Variants in MTUS2 observed in about 807,000 individuals in gnomAD.
MTUS2 encodes the protein microtubule-associated tumor suppressor candidate 2.
A neutral mutation model predicts 114.1 loss-of-function variants in MTUS2; 40 were observed. That is an observed-to-expected ratio of 0.35 (90% CI 0.27 to 0.46). The LOEUF (loss-of-function observed/expected upper bound fraction) is 0.46, where lower values mean the gene tolerates loss of function less well. MTUS2 is among the 20% of genes least tolerant of loss of function. The pLI, the probability that MTUS2 is intolerant of heterozygous loss-of-function variation, is 1.00. For synonymous variants in MTUS2, 688 were observed against 672.0 expected (o/e 1.02, Z -0.37); for missense variants, 1,679 against 1,705.4 (o/e 0.98, Z 0.27).
chr13:29,441,659 C>G (rs879304300), intron 9 of MTUS2, among the ~76,000 whole-genome samples: 3 of 152,106 alleles, frequency 2.0e-5, no homozygotes, highest in Admixed American at 2.0e-4. Context: ...CACTGGTGAC[C>G]CTGCCCAATG....
intron 6 of MTUS2, among the ~76,000 whole-genome samples, chr13:29,298,904 C>G (rs1899068162): frequency 6.6e-6 from 1 of 152,200 alleles, no homozygotes; most frequent in South Asian, 2.1e-4. Context: ...GCACTGGTAT[C>G]TTCAGTGAAG....
chr13:29,344,840 T>C (rs1410184951), intron 7 of MTUS2, among the ~76,000 whole-genome samples: 2 of 152,192 alleles, frequency 1.3e-5, no homozygotes, highest in Non-Finnish European at 2.9e-5. Context: ...TTAGCAATCT[T>C]GTAGTTCTGG....
intron 5 of MTUS2, among the ~76,000 whole-genome samples, chr13:29,270,081 T>C (rs1897823625): frequency 6.6e-6 from 1 of 152,042 alleles, no homozygotes; most frequent in Non-Finnish European, 1.5e-5. Flanking sequence ...CTGCCGTTCG[T>C]TGGGTATAAA....
intron 8 of MTUS2, among the ~76,000 whole-genome samples, chr13:29,379,440 G>C (rs1872031041): frequency 6.6e-6 from 1 of 152,146 alleles, no homozygotes; most frequent in South Asian, 2.1e-4. Flanking sequence ...GACCTACATG[G>C]ACCTGACCAC....
intron 4 of MTUS2, among the ~76,000 whole-genome samples, chr13:29,097,600 A>T (rs1211384750): frequency 6.6e-6 from 1 of 152,214 alleles, no homozygotes; most frequent in African/African-American, 2.4e-5. Context: ...AGTACCATAG[A>T]CAGTGTAGCG....
intron 5 of MTUS2, among the ~76,000 whole-genome samples, chr13:29,145,469 G>A (rs1228674386): frequency 1.3e-5 from 2 of 152,128 alleles, no homozygotes; most frequent in African/African-American, 2.4e-5. Context: ...GCAGTGAACC[G>A]AGATTGTGCC....
At chr13:29,338,745 T>C (rs1172420713) in intron 7 of MTUS2, among the ~76,000 whole-genome samples, 1 of 152,228 alleles carries the variant, frequency 6.6e-6, no homozygotes, top group Non-Finnish European at 1.5e-5. Context: ...CTGATTTCTA[T>C]AATTTTTTTA....
intron 4 of MTUS2, among the ~76,000 whole-genome samples, chr13:29,081,662 T>G (rs1239834543): frequency 6.6e-6 from 1 of 151,978 alleles, no homozygotes; most frequent in Non-Finnish European, 1.5e-5. Context: ...AGGAGTGTCT[T>G]GATGAGACCT....
At chr13:29,361,250 C>G (rs1331141425) in intron 8 of MTUS2, among the ~76,000 whole-genome samples, 5 of 152,184 alleles carry the variant, frequency 3.3e-5, no homozygotes, top group Admixed American at 1.3e-4. Context: ...GCTACTACAG[C>G]TACACTTGGC....
At chr13:29,052,337 C>T (rs773285138) in intron 4 of MTUS2, among the ~76,000 whole-genome samples, 7 of 151,580 alleles carry the variant, frequency 4.6e-5, no homozygotes, top group South Asian at 2.1e-4. Flanking sequence ...AAAAATTAGC[C>T]GGGCATGGTG....
intron 5 of MTUS2, among the ~76,000 whole-genome samples, chr13:29,251,564 T>C (rs1566091527): frequency 6.6e-6 from 1 of 152,172 alleles, no homozygotes. Flanking sequence ...CATTAAACAC[T>C]GACTCCCCAT....
intron 2 of MTUS2, among the ~76,000 whole-genome samples, chr13:29,003,180 A>G (rs1885458814): frequency 6.6e-6 from 1 of 152,234 alleles, no homozygotes; most frequent in Admixed American, 6.5e-5. Flanking sequence ...AAACAGTTAC[A>G]TGCCGCTTAC....
rs1484553253 is a variant in MTUS2 at position 29,480,320 on chromosome 13, C to T, written c.3355C>T (p.His1119Tyr). ...GGAAATGGCGCGCCTGCAGGAGGAG[C>T]ACGGTGACCAGCTGCTGAGCATCCG... The part of the protein sequence containing the change: ...EAEMARLQEE[H>Y]GDQLLSIRCQ... The change falls in exon 10 of 16, where the codon CAC (histidine) becomes TAC (tyrosine). Residue 1119 changes from histidine to tyrosine, a missense_variant. Physicochemically the swap from His to Tyr is moderately conservative, Grantham distance 83. Around this residue, in one of 3 missense-constraint regions of MTUS2, gnomAD observed 822 missense variants for 899.7 expected, o/e 0.91. Coordinates refer to ENST00000612955, the MANE Select transcript of MTUS2 (RefSeq NM_001033602.4). The surrounding 1 kb of genome is among the most constrained non-coding windows in gnomAD (Gnocchi z 4.4). The T allele has an allele frequency of 6.4e-7, 1 of 1,552,996 alleles. No homozygotes were observed. The highest frequency in any genetic ancestry group is 1.2e-5 in the South Asian group (1 of 83,802).
At chr13:29,434,178 G>T (rs1477748528) in intron 8 of MTUS2, among the ~76,000 whole-genome samples, 2 of 152,138 alleles carry the variant, frequency 1.3e-5, no homozygotes. Context: ...GCTCAAATCT[G>T]CAGTGAGTTT....
intron 4 of MTUS2, among the ~76,000 whole-genome samples, chr13:29,080,485 T>G (rs2475525): frequency 0.58 from 87,373 of 151,942 alleles, 25,414 homozygotes; most frequent in Non-Finnish European, 0.61. Flanking sequence ...CACAATAGGC[T>G]GTCTGCAAGC....
intron 5 of MTUS2, among the ~76,000 whole-genome samples, chr13:29,225,717 G>A (rs2139339661): frequency 6.6e-6 from 1 of 152,174 alleles, no homozygotes. Flanking sequence ...AAAATCTGAC[G>A]GTTTTTTGCT....
chr13:29,191,876 A>G (rs1052592889), intron 5 of MTUS2, among the ~76,000 whole-genome samples: 1 of 152,260 alleles, frequency 6.6e-6, no homozygotes, highest in Non-Finnish European at 1.5e-5. Context: ...TCTTTACCAC[A>G]GTAAAGTCTC....
chr13:28,980,874 C>T (rs573989657), intron 2 of MTUS2, among the ~76,000 whole-genome samples: 10 of 152,266 alleles, frequency 6.6e-5, no homozygotes, highest in African/African-American at 2.2e-4. Context: ...ATTTTTTTGT[C>T]TGAACCGTGA....
chr13:29,359,220 G>A, intron 7 of MTUS2, 42 bp from the exon 8 acceptor site: 2 of 1,538,300 alleles, frequency 1.3e-6, no homozygotes, highest in Non-Finnish European at 1.8e-6. Context: ...TGTACTGAGT[G>A]TTTTTTCACA....
Sources: gnomAD v4.1 joint callset for allele counts (sites outside exome capture counted in the v4.1 genomes callset) on GRCh38, gnomAD v4.1.1 for gene constraint, gnomAD v4.1.1 regional missense constraint, Gnocchi (gnomAD v3.1) non-coding constraint, MANE v1.5 for transcripts, NCBI Gene and HGNC (gene_info 2026-07-23, HGNC 2026-07-21) for gene names.